The following LNPEP variants were observed in gnomAD, a reference collection of about 807,000 sequenced individuals.
LNPEP encodes the protein leucyl and cystinyl aminopeptidase, also known as leucyl-cystinyl aminopeptidase.
LNPEP carries 64 observed loss-of-function variants against 120.6 expected under a neutral mutation model. That is an observed-to-expected ratio of 0.53 (90% CI 0.43 to 0.65). The LOEUF is 0.65. LNPEP is among the 30% of genes least tolerant of loss of function. LNPEP has a pLI of 0.00. For missense variants in LNPEP, 1,057 were observed against 1,200.0 expected (o/e 0.88, Z 1.76); for synonymous variants, 435 against 425.4 (o/e 1.02, Z -0.28).
At chr5:96,948,794 C>CT (rs1352055837) in intron 1 of LNPEP, among the ~76,000 whole-genome samples, 1 of 152,084 alleles carries the variant, frequency 6.6e-6, no homozygotes, top group East Asian at 1.9e-4. Context: ...GGTTTTGTAG[C>CT]TTTTTTTCTT....
chr5:97,004,939 A>G (rs548324409), intron 9 of LNPEP, among the ~76,000 whole-genome samples: 2 of 152,164 alleles, frequency 1.3e-5, no homozygotes, highest in Admixed American at 6.6e-5. Context: ...CTTTTGCATC[A>G]TGGTGTTTTT....
chr5:96,950,663 C>T (rs982831371), intron 1 of LNPEP, among the ~76,000 whole-genome samples: 1 of 152,158 alleles, frequency 6.6e-6, no homozygotes, highest in African/African-American at 2.4e-5. Flanking sequence ...AGACCTGACA[C>T]TATCCAGGAG....
rs1791452995 is a variant in LNPEP, at chr5:97,030,682, A to T, written c.*2149A>T. The T allele has an allele frequency of 7.5e-6, 1 of 133,980 alleles. No individual in the cohort carries two copies. Among genetic ancestry groups the T allele is most frequent in the Non-Finnish European group, 1.6e-5 (1 of 60,688 alleles). The allele number at this position is 133,980 out of a possible 1,614,324, so 8.3% of individuals were successfully genotyped here. Reference sequence around the variant, plus strand: ...TGTGTGTGTGTGTAGTGTGGGGGGTATTGTTATGAGTAAAACTTTATCAAA... The same window carrying T: ...TGTGTGTGTGTGTAGTGTGGGGGGTTTTGTTATGAGTAAAACTTTATCAAA... On this transcript the variant is annotated 3_prime_UTR_variant, in exon 18 of 18. Coordinates refer to ENST00000231368, the MANE Select transcript of LNPEP (RefSeq NM_005575.3).
At chr5:97,020,596 A>T (rs977918478) in intron 13 of LNPEP, among the ~76,000 whole-genome samples, 1 of 152,060 alleles carries the variant, frequency 6.6e-6, no homozygotes, top group Non-Finnish European at 1.5e-5. Flanking sequence ...AGGTCAGGAG[A>T]TAGAGCCATC....
Position 97,035,525 on chromosome 5 carries a change from A to G in LNPEP, c.*6992A>G, listed in dbSNP as rs936044523. 12 of 152,154 alleles carry G rather than the reference A, an allele frequency of 7.9e-5. No individual in the cohort carries two copies. Among genetic ancestry groups the G allele is most frequent in the African/African-American group, 1.2e-4 (5 of 41,450 alleles). The allele number at this position is 152,154 out of a possible 1,614,324, so 9.4% of individuals were successfully genotyped here. A position where few individuals can be genotyped will look rare whatever the true frequency, so the allele number is the denominator to read the frequency against. On this transcript the variant is annotated 3_prime_UTR_variant, in exon 18 of 18. Coordinates refer to ENST00000231368, the MANE Select transcript of LNPEP (RefSeq NM_005575.3). ...AGGGACCTAATGAAAGTCGAGTTTC[A>G]TAATATGACAGCTCACTTCTTTTCC... is the stretch of plus-strand genomic sequence containing the variant.
At position 96,955,587 on chromosome 5, in the gene LNPEP, C is replaced by T. The variant is rs557011710; in HGVS notation, c.19+19413C>T. Among the ~76,000 whole-genome samples, 5 of 152,262 alleles carry T rather than the reference C, an allele frequency of 3.3e-5. No homozygotes were observed. The South Asian group carries it at 1.0e-3, about 32-fold the overall frequency. On this transcript the variant is annotated intron_variant, in intron 1 of 17. Coordinates refer to ENST00000231368, the MANE Select transcript of LNPEP (RefSeq NM_005575.3). Reference sequence around the variant, plus strand: ...CCGAGATTGTGCCACTGCACTCCAGCCTGGCTGGGCAACAGAGTGAGACTC... The same window carrying T: ...CCGAGATTGTGCCACTGCACTCCAGTCTGGCTGGGCAACAGAGTGAGACTC...
chr5:97,027,327 T>A (rs1338537369), intron 16 of LNPEP, among the ~76,000 whole-genome samples: 1 of 150,022 alleles, frequency 6.7e-6, no homozygotes, highest in African/African-American at 2.5e-5. Flanking sequence ...CACTCCAGCC[T>A]AGGCAACAGG....
At chr5:96,988,446 C>G (rs1790294682) in intron 4 of LNPEP, among the ~76,000 whole-genome samples, 1 of 148,084 alleles carries the variant, frequency 6.8e-6, no homozygotes, top group Non-Finnish European at 1.5e-5. Flanking sequence ...TCAAGCAATT[C>G]TCCTGCCTCA....
At chr5:96,972,649 C>A (rs1042058234) in intron 1 of LNPEP, among the ~76,000 whole-genome samples, 1 of 152,030 alleles carries the variant, frequency 6.6e-6, no homozygotes, top group Non-Finnish European at 1.5e-5. Context: ...TGTGGGCTCA[C>A]CTGTTCCTTC....
intron 8 of LNPEP, among the ~76,000 whole-genome samples, chr5:96,999,414 G>A (rs1010626644): frequency 1.3e-5 from 2 of 152,076 alleles, no homozygotes; most frequent in Admixed American, 6.6e-5. Flanking sequence ...TGTTTTTCAG[G>A]TTCAAACCTG....
intron 1 of LNPEP, among the ~76,000 whole-genome samples, chr5:96,954,052 T>C (rs1789384145): frequency 6.6e-6 from 1 of 152,254 alleles, no homozygotes; most frequent in African/African-American, 2.4e-5. Context: ...AGCAGCATTG[T>C]CAGTGATCTC....
In LNPEP at chr5:96,949,381, G is replaced by A. The variant is rs529223780; in HGVS notation, c.19+13207G>A. Among the ~76,000 whole-genome samples the A allele has an allele frequency of 5.9e-5, 9 of 152,324 alleles. No homozygotes were observed. The South Asian group carries it at 1.2e-3, about 21-fold the overall frequency. ...TGAACCCTATTGTGAACTGCACTGG[G>A]GAGGGATCTAGGTTGCATGCTTCTT... is the stretch of plus-strand genomic sequence containing the variant. On this transcript the variant is annotated intron_variant, in intron 1 of 17. Coordinates refer to ENST00000231368, the MANE Select transcript of LNPEP (RefSeq NM_005575.3).
intron 13 of LNPEP, among the ~76,000 whole-genome samples, chr5:97,019,352 A>C (rs966577025): frequency 6.6e-6 from 1 of 152,202 alleles, no homozygotes; most frequent in African/African-American, 2.4e-5. Flanking sequence ...AGGGAAAGGT[A>C]ATTTGAAGCA....
intron 8 of LNPEP, among the ~76,000 whole-genome samples, chr5:97,000,111 A>G (rs1026389433): frequency 6.6e-6 from 1 of 152,156 alleles, no homozygotes; most frequent in African/African-American, 2.4e-5. Context: ...ACTGTATACA[A>G]ATGAATGAAT....
At chr5:96,971,943 T>C (rs2112595689) in intron 1 of LNPEP, among the ~76,000 whole-genome samples, 1 of 152,260 alleles carries the variant, frequency 6.6e-6, no homozygotes, top group East Asian at 1.9e-4. Flanking sequence ...CAATGCAATA[T>C]CTGGACCACC....
Position 96,980,055 on chromosome 5 carries a change from A to G in LNPEP, c.860+77A>G. 1.3e-5 allele frequency: 17 copies of G among 1,359,912 alleles called. 1 individual carries two copies. The South Asian group carries it at 2.5e-4, about 20-fold the overall frequency. 84.2% of individuals were successfully genotyped at this position (1,359,912 alleles called of 1,614,324 possible). Reference sequence around the variant, plus strand: ...ATATAGATCCCTTTGTCCACACCAGAGACACGAATTGTGATTTTTTTTTTT... The same window carrying G: ...ATATAGATCCCTTTGTCCACACCAGGGACACGAATTGTGATTTTTTTTTTT... On this transcript the variant is annotated intron_variant, in intron 2 of 17. Coordinates refer to ENST00000231368, the MANE Select transcript of LNPEP (RefSeq NM_005575.3).
chr5:96,943,228 A>T (rs566291196), intron 1 of LNPEP: 2 of 213,436 alleles, frequency 9.4e-6, no homozygotes, highest in Non-Finnish European at 1.8e-5. Flanking sequence ...TTGTTTAAAA[A>T]AAAAAAAAAG....
intron 4 of LNPEP, among the ~76,000 whole-genome samples, chr5:96,989,428 TA>T (rs1198943204): frequency 1.5e-5 from 2 of 134,968 alleles, no homozygotes; most frequent in Non-Finnish European, 3.2e-5. Flanking sequence ...AATTATATAT[TA>T]TATATTTATA....
chr5:97,008,337 GTTTTTTTTTTTTTTTT>G (rs781727347), intron 11 of LNPEP, among the ~76,000 whole-genome samples: 7 of 59,840 alleles, frequency 1.2e-4, no homozygotes, highest in South Asian at 8.3e-4. Flanking sequence ...GTTTTTTCTT[GTTTTTTTTTTTTTTTT>G]TTTTTTTTTT....
Sources: allele counts gnomAD v4.1 joint callset (sites outside exome capture counted in the v4.1 genomes callset), GRCh38; gene constraint gnomAD v4.1.1; transcripts MANE v1.5; gene names NCBI Gene and HGNC (gene_info 2026-07-23, HGNC 2026-07-21).